The following BRPF1 variants were observed in gnomAD, a reference collection of about 807,000 sequenced individuals.
BRPF1 encodes the protein bromodomain and PHD finger containing 1.
A neutral mutation model predicts 115.0 loss-of-function variants in BRPF1; 15 were observed. The ratio of observed to expected loss-of-function variants is 0.13; its 90% CI spans 0.09 to 0.20. The LOEUF is 0.20. BRPF1 is among the 10% of genes least tolerant of loss of function. BRPF1 has a pLI of 1.00. For missense variants in BRPF1, 1,118 were observed against 1,638.3 expected (o/e 0.68, Z 5.48); for synonymous variants, 647 against 619.8 (o/e 1.04, Z -0.65).
At chr3:9,737,992 A>C (rs774480098) in intron 2 of BRPF1, among the ~76,000 whole-genome samples, 2 of 152,194 alleles carry the variant, frequency 1.3e-5, no homozygotes, top group African/African-American at 2.4e-5. Flanking sequence ...AAAGTCATAA[A>C]ATGGCAGAGG....
Position 9,745,252 on chromosome 3 carries a change from T to A in BRPF1, c.3068+97T>A. 7.0e-7 allele frequency: 1 copy of A among 1,430,034 alleles called. No homozygotes were observed. The highest frequency in any genetic ancestry group is 9.4e-7 in the Non-Finnish European group (1 of 1,067,934). The allele number at this position is 1,430,034 out of a possible 1,614,324, so 88.6% of individuals were successfully genotyped here. A position where few individuals can be genotyped will look rare whatever the true frequency, so the allele number is the denominator to read the frequency against. On this transcript the variant is annotated intron_variant, in intron 10 of 13. Transcript: ENST00000383829. This position sits in a 1 kb window ranked among gnomAD's most constrained non-coding sequence, Gnocchi z 5.1. ...CCTGTTGGAAGTGGGGTGGCAGCCATCTCAGTCTAGATTAAGATGGCTCAA... is the reference window on the plus strand; with the variant it reads ...CCTGTTGGAAGTGGGGTGGCAGCCAACTCAGTCTAGATTAAGATGGCTCAA...
intron 4 of BRPF1, 118 bp downstream of exon 4, chr3:9,741,059 C>A: frequency 1.7e-6 from 2 of 1,177,020 alleles, no homozygotes; most frequent in Non-Finnish European, 2.4e-6. Flanking sequence ...TTTAAGCTAG[C>A]CCTCAAACCA....
Position 9,742,130 on chromosome 3 carries a change from A to G in BRPF1, c.1960A>G (p.Ser654Gly), listed in dbSNP as rs535585473. The G allele has an allele frequency of 3.1e-6, 5 of 1,614,224 alleles. No individual in the cohort carries two copies. In the East Asian group the frequency reaches 8.9e-5, roughly 29 times the overall value. Residue 654 changes from serine to glycine, a missense_variant, in exon 6 of 14, where the codon AGC (serine) becomes GGC (glycine). Ser to Gly is a moderately conservative substitution (Grantham distance 56). Coordinates refer to ENST00000383829, the MANE Select transcript of BRPF1 (RefSeq NM_001003694.2). ...LQEKDTGNIF[S>G]EPVPLSEVTE... Reference sequence around the variant, plus strand: ...AGAGAAGGACACAGGCAACATCTTCAGCGAGCCGGTCCCTCTGTCTGAGGT... The same window carrying G: ...AGAGAAGGACACAGGCAACATCTTCGGCGAGCCGGTCCCTCTGTCTGAGGT...
chr3:9,745,045 A>G lies in BRPF1; in HGVS notation c.2958A>G (p.Pro986=), dbSNP rs1421924509. ...ATGGCTTCAGCGGTGGAAACCAACC[A>G]GTGAAGAAGAGTTTCTTGGTATACC... is the stretch of plus-strand genomic sequence containing the variant. ...PANGFSGGNQ[P]VKKSFLVYRN... is the part of the protein sequence containing the mutation. The change falls in exon 10 of 14, where the codon CCA becomes CCG. Residue 986 remains proline, a synonymous_variant. Coordinates refer to ENST00000383829, the MANE Select transcript of BRPF1 (RefSeq NM_001003694.2). The surrounding 1 kb of genome is among the most constrained non-coding windows in gnomAD (Gnocchi z 5.1). 6.2e-7 allele frequency: 1 copy of G among 1,614,240 alleles called. No homozygotes were observed. The highest frequency in any genetic ancestry group is 2.2e-5 in the East Asian group (1 of 44,892).
intron 3 of BRPF1, among the ~76,000 whole-genome samples, chr3:9,740,485 A>T (rs905781130): frequency 1.3e-4 from 20 of 152,194 alleles, no homozygotes; most frequent in African/African-American, 4.6e-4. Context: ...TCCCAGGGTC[A>T]AATAGTACTC....
intron 1 of BRPF1, chr3:9,733,052 G>T (rs2076881723): frequency 6.6e-6 from 1 of 152,244 alleles, no homozygotes; most frequent in African/African-American, 2.4e-5. Flanking sequence ...GTTCGTGTTT[G>T]TACCCTTAGG....
chr3:9,746,128 C>T (rs2077121774), intron 12 of BRPF1, among the ~76,000 whole-genome samples, 172 bp from the exon 13 acceptor site: 1 of 152,154 alleles, frequency 6.6e-6, no homozygotes, highest in African/African-American at 2.4e-5. Flanking sequence ...TCTCTTTGCT[C>T]CTTGGGCTCT....
intron 1 of BRPF1, among the ~76,000 whole-genome samples, 199 bp from the exon 2 acceptor site, chr3:9,733,932 C>T (rs1403954720): frequency 6.6e-6 from 1 of 152,124 alleles, no homozygotes; most frequent in East Asian, 1.9e-4. Flanking sequence ...AGACATAGGG[C>T]AGGATAACCA....
At position 9,744,364 on chromosome 3, in the gene BRPF1, A is replaced by G; in HGVS notation, c.2776A>G (p.Thr926Ala). The part of the protein sequence containing the change: ...RPPKNRESQM[T>A]PSHGGSPVGP... Reference sequence around the variant, plus strand: ...CCCCAAAAACCGGGAGAGCCAGATGACCCCCAGCCACGGAGGCAGTCCTGT... The same window carrying G: ...CCCCAAAAACCGGGAGAGCCAGATGGCCCCCAGCCACGGAGGCAGTCCTGT... Residue 926 changes from threonine to alanine, a missense_variant, in exon 9 of 14, where the codon ACC becomes GCC. By Grantham distance (58) the Thr-to-Ala change is moderately conservative. Transcript: ENST00000383829. 2 of 1,612,694 alleles carry G rather than the reference A, an allele frequency of 1.2e-6. No individual in the cohort carries two copies. Among genetic ancestry groups the G allele is most frequent in the African/African-American group, 1.3e-5 (1 of 74,900 alleles).
intron 6 of BRPF1, chr3:9,742,659 TA>T: frequency 1.6e-6 from 1 of 614,180 alleles, no homozygotes; most frequent in African/African-American, 2.0e-5. Context: ...ATTTTCTTAC[TA>T]AAGCCTCATA....
intron 3 of BRPF1, among the ~76,000 whole-genome samples, chr3:9,740,319 C>T (rs1458315569): frequency 6.6e-6 from 1 of 152,206 alleles, no homozygotes; most frequent in Non-Finnish European, 1.5e-5. Context: ...GAAGGGGAAG[C>T]TCAAGAAGTT....
intron 8 of BRPF1, 61 bp from the exon 9 acceptor site, chr3:9,744,163 A>G: frequency 3.4e-6 from 5 of 1,488,292 alleles, no homozygotes; most frequent in Non-Finnish European, 4.5e-6. Flanking sequence ...ATGACCCTGG[A>G]TATCTACCCT....
At chr3:9,733,476 G>T (rs159146) in intron 1 of BRPF1, 7 of 152,238 alleles carry the variant, frequency 4.6e-5, no homozygotes, top group African/African-American at 1.7e-4. Context: ...CCCAGTCCAG[G>T]GGGGAGACAA....
At position 9,744,451 on chromosome 3, in the gene BRPF1, C is replaced by A; in HGVS notation, c.2863C>A (p.Arg955=). ...LRQRKRGRSP[R]PSSSSDSDSD... ...TCAGCGCAAGCGGGGTAGGAGCCCC[C>A]GGCCCAGTTCGAGCTCAGACAGCGA... The change falls in exon 9 of 14, where the codon CGG becomes AGG. Residue 955 remains arginine (R), a synonymous_variant. Transcript: ENST00000383829. The A allele has an allele frequency of 6.3e-7, 1 of 1,590,864 alleles. No individual in the cohort carries two copies. Among genetic ancestry groups the A allele is most frequent in the Non-Finnish European group, 8.6e-7 (1 of 1,169,500 alleles).
In BRPF1 at chr3:9,734,705, C is replaced by A. The variant is rs1344998895; in HGVS notation, c.565C>A (p.Pro189Thr). 1 of 1,614,122 alleles carries A rather than the reference C, an allele frequency of 6.2e-7. No homozygotes were observed. The highest frequency in any genetic ancestry group is 8.5e-7 in the Non-Finnish European group (1 of 1,180,008). ...CTATCGGGAGCTGGAACAGGACACC[C>A]CTGATGCCCCACCCCGGCCAACTTC... The part of the protein sequence containing the change: ...VVYRELEQDT[P>T]DAPPRPTSYY... The change falls in exon 2 of 14, where the codon CCT becomes ACT. Residue 189 changes from proline to threonine, a missense_variant. Physicochemically the swap from Pro to Thr is conservative, Grantham distance 38. Transcript: ENST00000383829. This position sits in a 1 kb window ranked among gnomAD's most constrained non-coding sequence, Gnocchi z 5.7.
At position 9,747,641 on chromosome 3, in the gene BRPF1, T is replaced by C; in HGVS notation, c.*292T>C. 6.7e-6 allele frequency: 2 copies of C among 299,222 alleles called. No homozygotes were observed. The highest frequency in any genetic ancestry group is 7.9e-5 in the South Asian group (1 of 12,596). The allele number at this position is 299,222 out of a possible 1,614,324, so 18.5% of individuals were successfully genotyped here. On this transcript the variant is annotated 3_prime_UTR_variant, in exon 14 of 14. Transcript: ENST00000383829. This position sits in a 1 kb window ranked among gnomAD's most constrained non-coding sequence, Gnocchi z 5.6. ...GGGTGGTGGGCCAAAGTTAGGACAC[T>C]GCGTAAAACAGGCCATCCCACCACC...
In BRPF1 at chr3:9,743,068, A is replaced by G; in HGVS notation, c.2126A>G (p.Asn709Ser). 1 of 1,614,198 alleles carries G rather than the reference A, an allele frequency of 6.2e-7. No individual in the cohort carries two copies. The highest frequency in any genetic ancestry group is 8.5e-7 in the Non-Finnish European group (1 of 1,180,046). ...GAGGACTTCAACCTCATCGTCAGCAACTGCCTCAAGTATAACGCCAAGGAC... is the reference window on the plus strand; with the variant it reads ...GAGGACTTCAACCTCATCGTCAGCAGCTGCCTCAAGTATAACGCCAAGGAC... ...FEEDFNLIVSNCLKYNAKDTI... is the reference protein window; with the variant it reads ...FEEDFNLIVSSCLKYNAKDTI... Residue 709 changes from asparagine to serine, a missense_variant, in exon 7 of 14, where the codon AAC (asparagine) becomes AGC (serine). This residue lies in a region of BRPF1 where 178 missense variants were observed against 303.7 expected (regional missense o/e 0.59). Coordinates refer to ENST00000383829, the MANE Select transcript of BRPF1 (RefSeq NM_001003694.2). The surrounding 1 kb of genome is among the most constrained non-coding windows in gnomAD (Gnocchi z 6.1).
intron 8 of BRPF1, 117 bp downstream of exon 8, chr3:9,744,018 T>G: frequency 1.0e-5 from 14 of 1,340,094 alleles, no homozygotes; most frequent in Non-Finnish European, 1.4e-5. Flanking sequence ...AGCTGTACTT[T>G]CTCCCTCATT....
rs1356283985 is a variant in BRPF1 at position 9,743,567 on chromosome 3, C to T, written c.2312-11C>T. 2 of 1,608,332 alleles carry T rather than the reference C, an allele frequency of 1.2e-6. No homozygotes were observed. Among genetic ancestry groups the T allele is most frequent in the African/African-American group, 2.7e-5 (2 of 74,874 alleles). ...CTGAGTCTGACCTTTCCCCTCCAAC[C>T]CTACCCCTAGCAGCCGAGGAAGAGC... is the stretch of plus-strand genomic sequence containing the variant. On this transcript the variant is annotated splice_polypyrimidine_tract_variant and intron_variant, in intron 7 of 13. Coordinates refer to ENST00000383829, the MANE Select transcript of BRPF1 (RefSeq NM_001003694.2). The surrounding 1 kb of genome is among the most constrained non-coding windows in gnomAD (Gnocchi z 6.1).
Sources: gnomAD v4.1 joint callset for allele counts (sites outside exome capture counted in the v4.1 genomes callset) on GRCh38, gnomAD v4.1.1 for gene constraint, gnomAD v4.1.1 regional missense constraint, Gnocchi (gnomAD v3.1) non-coding constraint, MANE v1.5 for transcripts, NCBI Gene and HGNC (gene_info 2026-07-23, HGNC 2026-07-21) for gene names.